Variants in KDM4A observed in about 807,000 individuals in gnomAD.
The protein encoded by KDM4A is lysine-specific demethylase 4A.
In KDM4A, 23 loss-of-function variants were observed where a neutral mutation model predicts 127.1. The observed-to-expected ratio is 0.18, with a 90% confidence interval of 0.13 to 0.26. The LOEUF (loss-of-function observed/expected upper bound fraction) is 0.26. KDM4A is among the 10% of genes least tolerant of loss of function. The pLI, the probability that KDM4A is intolerant of heterozygous loss-of-function variation, is 1.00. For missense variants in KDM4A, 890 were observed against 1,329.1 expected (o/e 0.67, Z 5.14); for synonymous variants, 443 against 466.5 (o/e 0.95, Z 0.65).
At chr1:43,652,679 CTTT>C (rs771216218) in intron 1 of KDM4A, among the ~76,000 whole-genome samples, 3 of 118,760 alleles carry the variant, frequency 2.5e-5, no homozygotes. Flanking sequence ...TTCTTTCTTT[CTTT>C]TTTTTTTTTT....
At chr1:43,661,203 G>T (rs951969387) in intron 4 of KDM4A, among the ~76,000 whole-genome samples, 1 of 151,880 alleles carries the variant, frequency 6.6e-6, no homozygotes, top group African/African-American at 2.4e-5. Context: ...TTAAACTCCC[G>T]ACCTCAGGTG....
intron 5 of KDM4A, 31 bp from the exon 6 acceptor site, chr1:43,665,665 C>T: frequency 6.2e-7 from 1 of 1,612,706 alleles, no homozygotes; most frequent in Non-Finnish European, 8.5e-7. Context: ...CTGCCCTCCA[C>T]CCAGCCTCTG....
chr1:43,672,788 C>A (rs758772861), intron 11 of KDM4A, among the ~76,000 whole-genome samples: 27 of 152,216 alleles, frequency 1.8e-4, no homozygotes, highest in Non-Finnish European at 3.4e-4. Flanking sequence ...ACCACCGTGG[C>A]TGGCCTTTTC....
At position 43,703,660 on chromosome 1, in the gene KDM4A, T is replaced by C. The variant is rs767516016; in HGVS notation, c.2885T>C (p.Val962Ala). 1 of 1,614,134 alleles carries C rather than the reference T, an allele frequency of 6.2e-7. No homozygotes were observed. The highest frequency in any genetic ancestry group is 8.5e-7 in the Non-Finnish European group (1 of 1,179,990). ...TTTGGTCCTCCTGCTGAAGGGGAAG[T>C]GGTCCAAGTGAGATGGACAGACGGC... ...LQFGPPAEGE[V>A]VQVRWTDGQV... is the part of the protein sequence containing the mutation. Residue 962 changes from valine to alanine, a missense_variant, in exon 20 of 22, where the codon GTG (valine) becomes GCG (alanine). Transcript: ENST00000372396.
In KDM4A at chr1:43,704,736, G is replaced by T. The variant is rs1315225507; in HGVS notation, c.*366G>T. ...CCTGCACCGACTAGGCTGAGGTGCT[G>T]GTACTTGCCCCAACCCCTACTTTTG... On this transcript the variant is annotated 3_prime_UTR_variant, in exon 22 of 22. Coordinates refer to ENST00000372396, the MANE Select transcript of KDM4A (RefSeq NM_014663.3). The T allele has an allele frequency of 2.3e-5, 6 of 258,208 alleles. No individual in the cohort carries two copies. The highest frequency in any genetic ancestry group is 4.5e-5 in the Non-Finnish European group (6 of 134,434). The allele number at this position is 258,208 out of a possible 1,614,324, so 16.0% of individuals were successfully genotyped here. A position where few individuals can be genotyped will look rare whatever the true frequency, so the allele number is the denominator to read the frequency against.
intron 8 of KDM4A, 32 bp downstream of exon 8, chr1:43,667,123 A>G (rs748410243): frequency 6.2e-7 from 1 of 1,610,704 alleles, no homozygotes. Flanking sequence ...CTATAACACC[A>G]TGACAAAAAT....
In KDM4A at chr1:43,650,188, A is replaced by C. The variant is rs909239029; in HGVS notation, c.-104A>C. On this transcript the variant is annotated 5_prime_UTR_variant, in exon 1 of 22. Transcript: ENST00000372396. The stretch of plus-strand genomic sequence containing the variant: ...TTCGGCCTTCGCCTGCTGGAAAAGC[A>C]GTAGGATCGGCCAGTGGCGACAGCA... 3.3e-5 allele frequency: 5 copies of C among 152,408 alleles called. No individual in the cohort carries two copies. The highest frequency in any genetic ancestry group is 3.2e-3 in the Middle Eastern group (1 of 316). 9.4% of individuals were successfully genotyped at this position (152,408 alleles called of 1,614,324 possible). A position where few individuals can be genotyped will look rare whatever the true frequency, so the allele number is the denominator to read the frequency against.
In KDM4A at chr1:43,687,550, C is replaced by T. The variant is rs549152855; in HGVS notation, c.1856-1364C>T. Among the ~76,000 whole-genome samples the T allele has an allele frequency of 2.0e-5, 3 of 152,304 alleles. No homozygotes were observed. In the South Asian group the frequency reaches 6.2e-4, roughly 32 times the overall value. On this transcript the variant is annotated intron_variant, in intron 12 of 21. Transcript: ENST00000372396. ...TTGGGCCTTGCTTGGTCACACTTGCCAAAGAAAGGCATAGCAACTCTAGCT... is the reference window on the plus strand; with the variant it reads ...TTGGGCCTTGCTTGGTCACACTTGCTAAAGAAAGGCATAGCAACTCTAGCT...
chr1:43,693,455 C>G lies in KDM4A; in HGVS notation c.2376-539C>G, dbSNP rs1044937646. On this transcript the variant is annotated intron_variant, in intron 16 of 21. Transcript: ENST00000372396. This position sits in a 1 kb window ranked among gnomAD's most constrained non-coding sequence, Gnocchi z 4.2. Reference sequence around the variant, plus strand: ...TCTTAAGGATGTCCGTTGAATAGACCTCTCAGAGTAAGTGGGGCTTGGGTC... The same window carrying G: ...TCTTAAGGATGTCCGTTGAATAGACGTCTCAGAGTAAGTGGGGCTTGGGTC... Among the ~76,000 whole-genome samples the G allele has an allele frequency of 2.6e-5, 4 of 152,194 alleles. No homozygotes were observed. The highest frequency in any genetic ancestry group is 2.6e-4 in the Admixed American group (4 of 15,284).
intron 13 of KDM4A, 146 bp downstream of exon 13, chr1:43,689,241 C>A: frequency 2.6e-6 from 2 of 778,976 alleles, no homozygotes; most frequent in Non-Finnish European, 4.1e-6. Context: ...GTGTATTGGT[C>A]AGTCTTCTCC....
chr1:43,678,718 G>C (rs1341303315), intron 11 of KDM4A, among the ~76,000 whole-genome samples: 5 of 151,728 alleles, frequency 3.3e-5, no homozygotes, highest in African/African-American at 1.2e-4. Context: ...CTCTCAAGTA[G>C]TTGGGACTAT....
chr1:43,666,874 A>G (rs1294261187), intron 7 of KDM4A, 80 bp from the exon 8 acceptor site: 1 of 1,434,188 alleles, frequency 7.0e-7, no homozygotes, highest in Non-Finnish European at 9.8e-7. Flanking sequence ...TTACTCAGCT[A>G]AGTTGTGGTG....
intron 4 of KDM4A, among the ~76,000 whole-genome samples, chr1:43,661,664 G>A (rs1660385216): frequency 6.8e-6 from 1 of 147,370 alleles, no homozygotes; most frequent in South Asian, 2.2e-4. Context: ...GTTGATAGCA[G>A]TTTTTGGGGG....
intron 18 of KDM4A, among the ~76,000 whole-genome samples, chr1:43,696,345 G>A (rs1157494511): frequency 6.6e-6 from 1 of 152,166 alleles, no homozygotes; most frequent in East Asian, 1.9e-4. Context: ...AATAGAAGAG[G>A]CGATCATACA....
At chr1:43,676,256 C>T (rs1660739295) in intron 11 of KDM4A, among the ~76,000 whole-genome samples, 1 of 152,112 alleles carries the variant, frequency 6.6e-6, no homozygotes, top group Non-Finnish European at 1.5e-5. Context: ...TACCATTGCA[C>T]TACAGCCTGG....
Position 43,655,704 on chromosome 1 carries a change from G to A in KDM4A, c.252G>A (p.Gln84=). ...CGGGGCAGTCTGGCCTCTTTACTCA[G>A]TACAACATACAGAAGAAAGCCATGA... ...LVTGQSGLFT[Q]YNIQKKAMTV... The change falls in exon 3 of 22, where the codon CAG becomes CAA. Residue 84 remains glutamine (Q), a synonymous_variant. Coordinates refer to ENST00000372396, the MANE Select transcript of KDM4A (RefSeq NM_014663.3). 6.2e-7 allele frequency: 1 copy of A among 1,613,920 alleles called. No individual in the cohort carries two copies.
In KDM4A at chr1:43,693,896, AC is replaced by A. The variant is rs1446222013; in HGVS notation, c.2376-95del. On this transcript the variant is annotated intron_variant, in intron 16 of 21. Transcript: ENST00000372396. This position sits in a 1 kb window ranked among gnomAD's most constrained non-coding sequence, Gnocchi z 4.2. Reference sequence around the variant, plus strand: ...CATGTGCTGGTGGAAGTCAGTGGTCACCCAGGTGAGGGAGGAAGCGCTGTCA... The same window carrying A: ...CATGTGCTGGTGGAAGTCAGTGGTCACCAGGTGAGGGAGGAAGCGCTGTCA... The A allele has an allele frequency of 5.6e-6, 5 of 892,400 alleles. No individual in the cohort carries two copies. The highest frequency in any genetic ancestry group is 9.0e-6 in the Non-Finnish European group (5 of 556,926). 55.3% of individuals were successfully genotyped at this position (892,400 alleles called of 1,614,324 possible). A position where few individuals can be genotyped will look rare whatever the true frequency, so the allele number is the denominator to read the frequency against.
rs1661179416 is a variant in KDM4A at position 43,693,925 on chromosome 1, A to G, written c.2376-69A>G. On this transcript the variant is annotated intron_variant, in intron 16 of 21. Transcript: ENST00000372396. This position sits in a 1 kb window ranked among gnomAD's most constrained non-coding sequence, Gnocchi z 4.2. Reference sequence around the variant, plus strand: ...AGGTGAGGGAGGAAGCGCTGTCAGCAGGCCCAAAAGAGAAGGCCACAGAGC... The same window carrying G: ...AGGTGAGGGAGGAAGCGCTGTCAGCGGGCCCAAAAGAGAAGGCCACAGAGC... The G allele has an allele frequency of 7.8e-7, 1 of 1,286,188 alleles. No homozygotes were observed. Among genetic ancestry groups the G allele is most frequent in the Non-Finnish European group, 1.1e-6 (1 of 889,700 alleles). The allele number at this position is 1,286,188 out of a possible 1,614,324, so 79.7% of individuals were successfully genotyped here.
intron 19 of KDM4A, among the ~76,000 whole-genome samples, chr1:43,700,926 A>AT (rs60244309): frequency 0.087 from 12,411 of 143,046 alleles, 1,637 homozygotes; most frequent in African/African-American, 0.29. Flanking sequence ...TATAAATTTA[A>AT]TTTTTTTTTT....
Sources: gnomAD v4.1 joint callset for allele counts (sites outside exome capture counted in the v4.1 genomes callset) on GRCh38, gnomAD v4.1.1 for gene constraint, Gnocchi (gnomAD v3.1) non-coding constraint, MANE v1.5 for transcripts, NCBI Gene and HGNC (gene_info 2026-07-23, HGNC 2026-07-21) for gene names.